AUTS2: variants seen among roughly 807,000 people sequenced by gnomAD.
The protein encoded by AUTS2 is autism susceptibility gene 2 protein.
AUTS2 carries 17 observed loss-of-function variants against 112.4 expected under a neutral mutation model. That is an observed-to-expected ratio of 0.15 (90% CI 0.10 to 0.23). The LOEUF (loss-of-function observed/expected upper bound fraction) is 0.23. Ranked by LOEUF, AUTS2 falls within the 10% of genes least tolerant of loss-of-function variation. The pLI is 1.00. For missense variants in AUTS2, 1,510 were observed against 1,701.6 expected (o/e 0.89, Z 1.98); for synonymous variants, 751 against 702.7 (o/e 1.07, Z -1.09).
intron 1 of AUTS2, among the ~76,000 whole-genome samples, chr7:69,677,826 A>G (rs1458303086): frequency 1.3e-5 from 2 of 152,172 alleles, no homozygotes. Flanking sequence ...GCAAACTTAG[A>G]CAGAAGCAGG....
chr7:70,679,445 C>T (rs1254729398), intron 5 of AUTS2, among the ~76,000 whole-genome samples: 1 of 152,144 alleles, frequency 6.6e-6, no homozygotes, highest in Middle Eastern at 3.2e-3. Context: ...TCCCACAGCC[C>T]TTAATGTGAC....
chr7:70,745,418 G>C (rs950672957), intron 6 of AUTS2, among the ~76,000 whole-genome samples: 1 of 152,144 alleles, frequency 6.6e-6, no homozygotes, highest in African/African-American at 2.4e-5. Flanking sequence ...CTTTGTATCA[G>C]GTTTCCGGAT....
chr7:70,122,943 T>C (rs1353447012), intron 3 of AUTS2, among the ~76,000 whole-genome samples: 3 of 149,622 alleles, frequency 2.0e-5, no homozygotes, highest in African/African-American at 7.4e-5. Flanking sequence ...CAGCACAATC[T>C]TGGCTCACTG....
At chr7:70,157,764 G>A (rs1447680414) in intron 4 of AUTS2, among the ~76,000 whole-genome samples, 1 of 151,242 alleles carries the variant, frequency 6.6e-6, no homozygotes, top group African/African-American at 2.4e-5. Flanking sequence ...GGGTTTTATA[G>A]TTGCTGTCCT....
At chr7:70,623,903 C>T (rs980532013) in intron 5 of AUTS2, among the ~76,000 whole-genome samples, 12 of 152,144 alleles carry the variant, frequency 7.9e-5, no homozygotes, top group African/African-American at 2.4e-4. Flanking sequence ...GATGAACTGC[C>T]GTTCTCCAGC....
chr7:70,487,275 G>A (rs771497405), intron 5 of AUTS2, among the ~76,000 whole-genome samples: 8 of 151,988 alleles, frequency 5.3e-5, no homozygotes, highest in African/African-American at 9.7e-5. Flanking sequence ...CAACACTGGC[G>A]ATGTTGCATA....
At chr7:69,854,232 A>G (rs1302640556) in intron 1 of AUTS2, among the ~76,000 whole-genome samples, 1 of 152,148 alleles carries the variant, frequency 6.6e-6, no homozygotes, top group Non-Finnish European at 1.5e-5. Context: ...CCTGTTAGGT[A>G]TAATTATCTT....
intron 2 of AUTS2, among the ~76,000 whole-genome samples, chr7:69,953,265 C>T (rs1357045462): frequency 2.0e-5 from 3 of 152,148 alleles, no homozygotes; most frequent in Non-Finnish European, 2.9e-5. Flanking sequence ...AGTCTGCTTC[C>T]ACGTGGTGAT....
intron 4 of AUTS2, among the ~76,000 whole-genome samples, chr7:70,323,972 G>C (rs571299545): frequency 1.3e-5 from 2 of 152,190 alleles, no homozygotes; most frequent in Admixed American, 6.5e-5. Context: ...TGTTCTACAA[G>C]GTGAAGAAAT....
intron 2 of AUTS2, among the ~76,000 whole-genome samples, chr7:70,027,994 CT>C (rs1800598030): frequency 6.6e-6 from 1 of 152,140 alleles, no homozygotes; most frequent in Non-Finnish European, 1.5e-5. Context: ...CCTTTTGTGG[CT>C]TGATCTTGAT....
At chr7:70,026,186 A>G (rs146213921) in intron 2 of AUTS2, among the ~76,000 whole-genome samples, 132 of 152,296 alleles carry the variant, frequency 8.7e-4, no homozygotes, top group African/African-American at 3.0e-3. Flanking sequence ...GATATTCCCT[A>G]GAAGGGAAAA....
intron 2 of AUTS2, among the ~76,000 whole-genome samples, chr7:69,954,960 C>A (rs894119429): frequency 6.6e-6 from 1 of 152,154 alleles, no homozygotes; most frequent in Non-Finnish European, 1.5e-5. Context: ...GCTGGAACAG[C>A]TCTTAAGTGG....
intron 2 of AUTS2, among the ~76,000 whole-genome samples, chr7:70,063,107 C>T (rs908640163): frequency 1.3e-5 from 2 of 152,152 alleles, no homozygotes; most frequent in African/African-American, 4.8e-5. Context: ...CCAACATCCC[C>T]ACCCACAGTG....
chr7:70,679,802 T>C (rs1328970901), intron 5 of AUTS2, among the ~76,000 whole-genome samples: 3 of 152,260 alleles, frequency 2.0e-5, no homozygotes, highest in Admixed American at 6.5e-5. Context: ...TGTTCTGATC[T>C]GTGTGGGTTT....
chr7:69,836,885 C>T lies in AUTS2; in HGVS notation c.310-62401C>T, dbSNP rs370946909. ...AGGATGATAGCCATAGTTTGTACTTCGAGCTCACTCTAGTGGGGGAAATAG... is the reference window on the plus strand; with the variant it reads ...AGGATGATAGCCATAGTTTGTACTTTGAGCTCACTCTAGTGGGGGAAATAG... On this transcript the variant is annotated intron_variant, in intron 1 of 18. Coordinates refer to ENST00000342771, the MANE Select transcript of AUTS2 (RefSeq NM_015570.4). Among the ~76,000 whole-genome samples the T allele has an allele frequency of 6.6e-5, 10 of 152,092 alleles. No homozygotes were observed. The South Asian group carries it at 8.3e-4, about 13-fold the overall frequency.
intron 5 of AUTS2, among the ~76,000 whole-genome samples, chr7:70,640,280 G>A (rs936497170): frequency 1.4e-4 from 22 of 151,822 alleles, no homozygotes; most frequent in Non-Finnish European, 1.9e-4. Flanking sequence ...GTGGTGGCCC[G>A]GATGGTAGGA....
At chr7:70,733,294 C>A (rs1055148036) in intron 6 of AUTS2, among the ~76,000 whole-genome samples, 3 of 152,106 alleles carry the variant, frequency 2.0e-5, no homozygotes, top group African/African-American at 7.2e-5. Context: ...TGTTTAATAA[C>A]CACAGTTTAC....
Position 69,758,367 on chromosome 7 carries a change from G to A in AUTS2, c.310-140919G>A, listed in dbSNP as rs1196718584. On this transcript the variant is annotated intron_variant, in intron 1 of 18. Coordinates refer to ENST00000342771, the MANE Select transcript of AUTS2 (RefSeq NM_015570.4). Reference sequence around the variant, plus strand: ...TGTTGCATTCCAGCATTTTGGATCAGTCACTTTATTACATCATTTACTTTC... The same window carrying A: ...TGTTGCATTCCAGCATTTTGGATCAATCACTTTATTACATCATTTACTTTC... Among the ~76,000 whole-genome samples, 3 of 152,168 alleles carry A rather than the reference G, an allele frequency of 2.0e-5. No individual in the cohort carries two copies. The East Asian group carries it at 5.8e-4, about 29-fold the overall frequency.
At chr7:70,661,120 G>A (rs1807048334) in intron 5 of AUTS2, among the ~76,000 whole-genome samples, 1 of 151,598 alleles carries the variant, frequency 6.6e-6, no homozygotes, top group African/African-American at 2.4e-5. Context: ...CATTTGAATG[G>A]AGATTAGCTG....
Sources: gnomAD v4.1 joint callset for allele counts (sites outside exome capture counted in the v4.1 genomes callset) on GRCh38, gnomAD v4.1.1 for gene constraint, MANE v1.5 for transcripts, NCBI Gene and HGNC (gene_info 2026-07-23, HGNC 2026-07-21) for gene names.